KDM4B: variants seen among roughly 807,000 people sequenced by gnomAD.
KDM4B encodes the protein lysine demethylase 4B, also known as lysine-specific demethylase 4B.
KDM4B carries 32 observed loss-of-function variants against 125.2 expected under a neutral mutation model. The ratio of observed to expected loss-of-function variants is 0.26; its 90% CI spans 0.19 to 0.34. The LOEUF (loss-of-function observed/expected upper bound fraction) is 0.34. Among genes scored for constraint, KDM4B ranks in the 10% least tolerant of loss-of-function variants. The probability of loss-of-function intolerance (pLI) is 1.00; values close to 1 mark genes in which losing one functional copy is unlikely to be tolerated. For missense variants in KDM4B, 1,190 were observed against 1,577.7 expected, an observed-to-expected ratio of 0.75 and a Z score of 4.16; for synonymous variants, 721 against 677.9, an observed-to-expected ratio of 1.06 and a Z score of -0.99.
chr19:5,003,960 C>T (rs1467251054), intron 1 of KDM4B, among the ~76,000 whole-genome samples: 3 of 152,150 alleles, frequency 2.0e-5, no homozygotes, highest in Non-Finnish European at 2.9e-5. Context: ...GATGCTCAGC[C>T]GCTTGAGAAT....
intron 1 of KDM4B, among the ~76,000 whole-genome samples, chr19:5,003,848 C>G (rs2032480532): frequency 6.6e-6 from 1 of 152,054 alleles, no homozygotes. Flanking sequence ...CTTGGGGAAC[C>G]CCCTCTGTCC....
chr19:4,987,300 G>A (rs189736818), intron 1 of KDM4B, among the ~76,000 whole-genome samples: 22 of 152,368 alleles, frequency 1.4e-4, no homozygotes, highest in Non-Finnish European at 2.1e-4. Flanking sequence ...CCTGAGAGGC[G>A]CTCTTGGCCG....
chr19:5,123,673 C>T lies in KDM4B; in HGVS notation c.1315+3821C>T, dbSNP rs1180575560. On this transcript the variant is annotated intron_variant, in intron 11 of 22. Coordinates refer to ENST00000159111, the MANE Select transcript of KDM4B (RefSeq NM_015015.3). ...TCATCCTGCAGGGCCTGTGTCTACA[C>T]TGCAGGTCCTCTGGGGTTTGGGAAA... Among the ~76,000 whole-genome samples the T allele has an allele frequency of 4.6e-5, 7 of 152,228 alleles. No homozygotes were observed. In the South Asian group the frequency reaches 8.3e-4, roughly 18 times the overall value.
chr19:4,982,630 T>C (rs980004328), intron 1 of KDM4B, among the ~76,000 whole-genome samples: 2 of 152,010 alleles, frequency 1.3e-5, no homozygotes, highest in African/African-American at 4.8e-5. Context: ...TTTCTTTTTT[T>C]GTGGCGGAGT....
chr19:5,062,261 C>A (rs1044689691), intron 6 of KDM4B, among the ~76,000 whole-genome samples: 1 of 152,246 alleles, frequency 6.6e-6, no homozygotes, highest in South Asian at 2.1e-4. Context: ...GATCCACTCC[C>A]TTGCCTGTGC....
intron 2 of KDM4B, among the ~76,000 whole-genome samples, chr19:5,023,394 A>G (rs556417919): frequency 6.6e-6 from 1 of 152,240 alleles, no homozygotes; most frequent in Non-Finnish European, 1.5e-5. Flanking sequence ...GCCAGGCCAC[A>G]TGCCCGGGGC....
intron 2 of KDM4B, among the ~76,000 whole-genome samples, chr19:5,020,573 T>A (rs1020051868): frequency 2.0e-5 from 3 of 152,192 alleles, no homozygotes; most frequent in Non-Finnish European, 4.4e-5. Flanking sequence ...ATTTCGACCC[T>A]GGAGCCGTCG....
intron 9 of KDM4B, among the ~76,000 whole-genome samples, chr19:5,097,588 G>A (rs1349696796): frequency 6.6e-6 from 1 of 152,220 alleles, no homozygotes; most frequent in Admixed American, 6.5e-5. Context: ...CTTCGGTCCT[G>A]ATGGGGAGCA....
intron 1 of KDM4B, among the ~76,000 whole-genome samples, chr19:4,996,131 A>G (rs1300472106): frequency 6.6e-6 from 1 of 152,128 alleles, no homozygotes; most frequent in African/African-American, 2.4e-5. Flanking sequence ...CTGGGATTAC[A>G]GGCATGTGCC....
rs375733862 is a variant in KDM4B, at chr19:5,102,008, G to C, written c.919-8614G>C. Reference sequence around the variant, plus strand: ...GCGAGGAGGGGCAGGCGGCCGCCAGGGTGCCAGGAGGGGTCGGGTGCTGCG... The same window carrying C: ...GCGAGGAGGGGCAGGCGGCCGCCAGCGTGCCAGGAGGGGTCGGGTGCTGCG... On this transcript the variant is annotated intron_variant, in intron 9 of 22. Coordinates refer to ENST00000159111, the MANE Select transcript of KDM4B (RefSeq NM_015015.3). 1.6e-4 allele frequency among the ~76,000 whole-genome samples: 24 copies of C among 152,298 alleles called. No individual in the cohort carries two copies. In the South Asian group the frequency reaches 3.5e-3, roughly 22 times the overall value.
Position 5,119,734 on chromosome 19 carries a change from G to A in KDM4B, c.1197G>A (p.Ala399=), listed in dbSNP as rs1005004675. The A allele has an allele frequency of 9.7e-6, 15 of 1,550,236 alleles. No individual in the cohort carries two copies. The highest frequency in any genetic ancestry group is 2.0e-5 in the Admixed American group (1 of 51,036). ...KFPGEGTAGA[A]LLEEAGGSVK... is the part of the protein sequence containing the mutation. Reference sequence around the variant, plus strand: ...CTGGGGAGGGTACGGCTGGGGCAGCGCTCCTAGAGGAGGCTGGGGGCAGCG... The same window carrying A: ...CTGGGGAGGGTACGGCTGGGGCAGCACTCCTAGAGGAGGCTGGGGGCAGCG... Residue 399 remains alanine (A), a synonymous_variant, in exon 11 of 23, where the codon GCG becomes GCA. Transcript: ENST00000159111.
At chr19:5,020,849 G>C (rs2036094154) in intron 2 of KDM4B, among the ~76,000 whole-genome samples, 1 of 152,180 alleles carries the variant, frequency 6.6e-6, no homozygotes, top group Non-Finnish European at 1.5e-5. Flanking sequence ...GGGGCTGATA[G>C]AAAACATCCC....
intron 7 of KDM4B, 122 bp from the exon 8 acceptor site, chr19:5,077,245 T>C (rs1317738005): frequency 8.8e-6 from 7 of 796,040 alleles, no homozygotes; most frequent in African/African-American, 1.7e-5. Context: ...TGGGCCGTGC[T>C]CTGTGCTCCC....
At position 5,144,326 on chromosome 19, in the gene KDM4B, G is replaced by A. The variant is rs551210260; in HGVS notation, c.2815G>A (p.Val939Ile). Residue 939 changes from valine (V) to isoleucine (I), a missense_variant, in exon 20 of 23, where the codon GTC becomes ATC. Physicochemically the swap from Val to Ile is conservative, Grantham distance 29. Transcript: ENST00000159111. ...CAACGGGCTGTACTACCGCTGTCGC[G>A]TCATCGGTGCCGCCTCGCAGACCTG... ...NRNGLYYRCR[V>I]IGAASQTCYE... 12 of 1,581,954 alleles carry A rather than the reference G, an allele frequency of 7.6e-6. No individual in the cohort carries two copies. The highest frequency in any genetic ancestry group is 5.3e-5 in the Admixed American group (3 of 56,216).
rs1290337528 is a variant in KDM4B at position 5,119,660 on chromosome 19, C to T, written c.1123C>T (p.Arg375Trp). The change falls in exon 11 of 23, where the codon CGG becomes TGG. Residue 375 changes from arginine (R) to tryptophan (W), a missense_variant. Physicochemically the swap from Arg to Trp is moderately radical, Grantham distance 101. Transcript: ENST00000159111. ...LKAKLLRRSH[R>W]KRSQPKKPKP... ...ATAAACCTCCCTCTCCAGGTCTCACCGGAAACGGAGCCAGCCCAAGAAGCC... is the reference window on the plus strand; with the variant it reads ...ATAAACCTCCCTCTCCAGGTCTCACTGGAAACGGAGCCAGCCCAAGAAGCC... 1.9e-6 allele frequency: 3 copies of T among 1,555,362 alleles called. No homozygotes were observed. The highest frequency in any genetic ancestry group is 1.2e-5 in the South Asian group (1 of 84,460).
rs757938540 is a variant in KDM4B, at chr19:5,032,921, C to T, written c.31C>T (p.Pro11Ser). Residue 11 changes from proline to serine, a missense_variant, in exon 3 of 23, where the codon CCC becomes TCC. By Grantham distance (74) the Pro-to-Ser change is moderately conservative. Coordinates refer to ENST00000159111, the MANE Select transcript of KDM4B (RefSeq NM_015015.3). ...GTCTGAGGACCACGGCGCCCAGAAC[C>T]CCAGCTGTAAAATCATGACGTTTCG... MGSEDHGAQN[P>S]SCKIMTFRPT... 11 of 1,614,062 alleles carry T rather than the reference C, an allele frequency of 6.8e-6. No individual in the cohort carries two copies. Among genetic ancestry groups the T allele is most frequent in the Admixed American group, 6.7e-5 (4 of 60,012 alleles).
At chr19:5,046,214 GA>G (rs1008518821) in intron 5 of KDM4B, among the ~76,000 whole-genome samples, 43 of 152,368 alleles carry the variant, frequency 2.8e-4, no homozygotes, top group African/African-American at 9.6e-4. Flanking sequence ...GGTGCCAGGG[GA>G]AGCTTCAGGG....
intron 5 of KDM4B, among the ~76,000 whole-genome samples, chr19:5,045,690 G>C (rs2037003936): frequency 6.6e-6 from 1 of 152,144 alleles, no homozygotes; most frequent in Non-Finnish European, 1.5e-5. Context: ...GGCCAGGATG[G>C]TCTCAATCTC....
intron 9 of KDM4B, among the ~76,000 whole-genome samples, chr19:5,092,192 T>C (rs1316563077): frequency 6.6e-6 from 1 of 152,048 alleles, no homozygotes; most frequent in African/African-American, 2.4e-5. Flanking sequence ...CCTCGTTTAG[T>C]CTCTCCCTCG....
Sources: gnomAD v4.1 joint callset for allele counts (sites outside exome capture counted in the v4.1 genomes callset) on GRCh38, gnomAD v4.1.1 for gene constraint, MANE v1.5 for transcripts, NCBI Gene and HGNC (gene_info 2026-07-23, HGNC 2026-07-21) for gene names.